CAP2: variants seen among roughly 807,000 people sequenced by gnomAD.
The protein encoded by CAP2 is adenylyl cyclase-associated protein 2.
Under a neutral mutation model 57.7 loss-of-function variants are expected in CAP2, and 24 were observed. That is an observed-to-expected ratio of 0.42 (90% CI 0.30 to 0.58). The LOEUF is 0.58. Among genes scored for constraint, CAP2 ranks in the 20% least tolerant of loss-of-function variants. The pLI, the probability that CAP2 is intolerant of heterozygous loss-of-function variation, is 0.22. For missense variants in CAP2, 501 were observed against 590.3 expected (o/e 0.85, Z 1.57); for synonymous variants, 194 against 207.2 (o/e 0.94, Z 0.55).
At chr6:17,488,037 G>A (rs6459550) in intron 4 of CAP2, among the ~76,000 whole-genome samples, 3 of 151,714 alleles carry the variant, frequency 2.0e-5, no homozygotes, top group Non-Finnish European at 2.9e-5. Context: ...TGATCCTCCC[G>A]CCTCAGCCTC....
intron 3 of CAP2, among the ~76,000 whole-genome samples, chr6:17,447,811 G>A (rs537357640): frequency 1.3e-5 from 2 of 152,316 alleles, no homozygotes; most frequent in South Asian, 4.1e-4. Context: ...AGTTTTTAAT[G>A]TATCTTTCGA....
intron 4 of CAP2, among the ~76,000 whole-genome samples, chr6:17,489,038 G>A (rs558190463): frequency 3.9e-5 from 6 of 152,080 alleles, no homozygotes; most frequent in East Asian, 1.9e-4. Context: ...GGCCCACTCC[G>A]GCAAACACAG....
intron 1 of CAP2, among the ~76,000 whole-genome samples, chr6:17,416,873 G>T (rs1025974010): frequency 6.6e-6 from 1 of 152,168 alleles, no homozygotes; most frequent in African/African-American, 2.4e-5. Flanking sequence ...TGGGAGAATT[G>T]CTTGAGCCCA....
chr6:17,486,880 C>T lies in CAP2; in HGVS notation c.301-20289C>T, dbSNP rs370723954. 1.3e-3 allele frequency among the ~76,000 whole-genome samples: 189 copies of T among 145,058 alleles called. 1 individual carries two copies. The highest frequency in any genetic ancestry group is 5.2e-3 in the African/African-American group (179 of 34,394). ...GATATCTGGAAGTGCTCACACAACA[C>T]ACCGTCACGGTCACCCCCGGCTTCC... On this transcript the variant is annotated intron_variant, in intron 4 of 12. Transcript: ENST00000229922.
At chr6:17,417,385 C>T (rs1405824937) in intron 1 of CAP2, among the ~76,000 whole-genome samples, 1 of 151,306 alleles carries the variant, frequency 6.6e-6, no homozygotes, top group African/African-American at 2.4e-5. Context: ...AAGAGATCCT[C>T]CTGCCTCAGT....
rs112862559 is a variant in CAP2, at chr6:17,530,839, G to C, written c.637-8430G>C. The C allele has an allele frequency of 0.01, 7,483 of 713,180 alleles. 444 individuals carry two copies. The African/African-American group carries it at 0.12, about 11-fold the overall frequency. The allele number at this position is 713,180 out of a possible 1,614,324, so 44.2% of individuals were successfully genotyped here. A position where few individuals can be genotyped will look rare whatever the true frequency, so the allele number is the denominator to read the frequency against. On this transcript the variant is annotated intron_variant, in intron 7 of 12. Transcript: ENST00000229922. Reference sequence around the variant, plus strand: ...CCCACTTTTTTTTTTTTCAGTTTGAGAGCAGGTACTGTTTATTAACTGACC... The same window carrying C: ...CCCACTTTTTTTTTTTTCAGTTTGACAGCAGGTACTGTTTATTAACTGACC...
intron 7 of CAP2, among the ~76,000 whole-genome samples, chr6:17,517,938 G>A (rs746198131): frequency 1.1e-4 from 17 of 151,760 alleles, no homozygotes; most frequent in Non-Finnish European, 1.6e-4. Context: ...GTTATAAAAC[G>A]TGTTACATTT....
intron 4 of CAP2, among the ~76,000 whole-genome samples, chr6:17,471,830 C>CA (rs10546732): frequency 0.012 from 1,686 of 134,934 alleles, 7 homozygotes; most frequent in African/African-American, 0.026. Flanking sequence ...GACTCCGTCT[C>CA]AAAAAAAAAA....
rs560384268 is a variant in CAP2 at position 17,550,030 on chromosome 6, A to T, written c.1210-1434A>T. Among the ~76,000 whole-genome samples the T allele has an allele frequency of 2.6e-5, 4 of 152,302 alleles. No homozygotes were observed. The East Asian group carries it at 7.7e-4, about 29-fold the overall frequency. On this transcript the variant is annotated intron_variant, in intron 11 of 12. Coordinates refer to ENST00000229922, the MANE Select transcript of CAP2 (RefSeq NM_006366.3). ...CACCAGTTGGTAAGTTAATAAATAAATCCTCCCAATAGGATACTAGTTGGT... is the reference window on the plus strand; with the variant it reads ...CACCAGTTGGTAAGTTAATAAATAATTCCTCCCAATAGGATACTAGTTGGT...
chr6:17,445,559 A>G (rs1760235339), intron 3 of CAP2, among the ~76,000 whole-genome samples: 5 of 152,248 alleles, frequency 3.3e-5, no homozygotes, highest in Admixed American at 2.0e-4. Flanking sequence ...TGAAAGGGTA[A>G]GTTGGGAAAT....
intron 3 of CAP2, among the ~76,000 whole-genome samples, chr6:17,431,224 A>C (rs913474208): frequency 6.6e-6 from 1 of 152,134 alleles, no homozygotes; most frequent in African/African-American, 2.4e-5. Context: ...TGGGCAATGA[A>C]ATAATCTGTA....
chr6:17,504,545 A>G (rs1761923961), intron 4 of CAP2, among the ~76,000 whole-genome samples: 1 of 152,204 alleles, frequency 6.6e-6, no homozygotes. Flanking sequence ...CCGAAGACCT[A>G]GCTTCCAGTT....
At chr6:17,478,569 C>G (rs1459694203) in intron 4 of CAP2, among the ~76,000 whole-genome samples, 1 of 152,066 alleles carries the variant, frequency 6.6e-6, no homozygotes, top group Non-Finnish European at 1.5e-5. Context: ...CCTTCTTTCT[C>G]TCCCTACTGG....
intron 1 of CAP2, among the ~76,000 whole-genome samples, chr6:17,405,807 C>G (rs143681954): frequency 1.1e-3 from 171 of 152,294 alleles, no homozygotes; most frequent in African/African-American, 4.0e-3. Flanking sequence ...GTGACACAAT[C>G]TTGGCTCGCT....
intron 3 of CAP2, among the ~76,000 whole-genome samples, chr6:17,443,123 G>T (rs149817497): frequency 8.5e-5 from 13 of 152,176 alleles, no homozygotes; most frequent in African/African-American, 2.6e-4. Flanking sequence ...ATGGTGGCAC[G>T]CACCTGTAGC....
In CAP2 at chr6:17,556,389, A is replaced by G. The variant is rs1763315565; in HGVS notation, c.1381A>G (p.Thr461Ala). ...REFPIPEQFK[T>A]AWDGSKLITE... ...ATTTCCCATTCCTGAACAGTTCAAG[A>G]CAGCATGGGATGGATCCAAGTTAAT... Residue 461 changes from threonine to alanine, a missense_variant, in exon 13 of 13, where the codon ACA becomes GCA. By Grantham distance (58) the Thr-to-Ala change is moderately conservative. Transcript: ENST00000229922. 6.2e-7 allele frequency: 1 copy of G among 1,613,916 alleles called. No homozygotes were observed. Among genetic ancestry groups the G allele is most frequent in the African/African-American group, 1.3e-5 (1 of 75,034 alleles).
At chr6:17,406,644 G>A (rs915292520) in intron 1 of CAP2, among the ~76,000 whole-genome samples, 1 of 151,554 alleles carries the variant, frequency 6.6e-6, no homozygotes, top group African/African-American at 2.4e-5. Flanking sequence ...TGCCTGCCTC[G>A]GCCTCCCAAA....
At chr6:17,507,136 T>C (rs1175266818) in intron 4 of CAP2, 33 bp from the exon 5 acceptor site, 6 of 1,613,680 alleles carry the variant, frequency 3.7e-6, no homozygotes, top group Non-Finnish European at 5.1e-6. Context: ...GCTCTGTCTG[T>C]AGTAAAAGCC....
chr6:17,551,563 T>G lies in CAP2; in HGVS notation c.1309T>G (p.Ser437Ala), dbSNP rs144868263. 7 of 1,612,306 alleles carry G rather than the reference T, an allele frequency of 4.3e-6. No individual in the cohort carries two copies. The African/African-American group carries it at 9.3e-5, about 22-fold the overall frequency. ...AGACTGTGAGATCGTGAGCGCCAAGTCATCTGAAATGAACATACTTATCCC... is the reference window on the plus strand; with the variant it reads ...AGACTGTGAGATCGTGAGCGCCAAGGCATCTGAAATGAACATACTTATCCC... ...ALDCEIVSAK[S>A]SEMNILIPQD... Residue 437 changes from serine to alanine, a missense_variant, in exon 12 of 13, where the codon TCA (serine) becomes GCA (alanine). Ser to Ala is a moderately conservative substitution (Grantham distance 99). Transcript: ENST00000229922.
Sources: gnomAD v4.1 joint callset for allele counts (sites outside exome capture counted in the v4.1 genomes callset) on GRCh38, gnomAD v4.1.1 for gene constraint, MANE v1.5 for transcripts, NCBI Gene and HGNC (gene_info 2026-07-23, HGNC 2026-07-21) for gene names.